The following EVA1C variants were observed in gnomAD, a reference collection of about 807,000 sequenced individuals.
EVA1C encodes the protein protein eva-1 homolog C.
EVA1C carries 25 observed loss-of-function variants against 45.4 expected under a neutral mutation model. The ratio of observed to expected loss-of-function variants is 0.55; its 90% CI spans 0.40 to 0.77. The LOEUF (loss-of-function observed/expected upper bound fraction) is 0.77, where lower values mean the gene tolerates loss of function less well. Ranked by LOEUF, EVA1C falls within the 30% of genes least tolerant of loss-of-function variation. The pLI is 0.00. For missense variants in EVA1C, 479 were observed against 554.8 expected (o/e 0.86, Z 1.37); for synonymous variants, 190 against 221.2 (o/e 0.86, Z 1.25).
chr21:32,425,334 CAAAAAAAA>C (rs60224656), intron 1 of EVA1C, among the ~76,000 whole-genome samples: 5 of 57,772 alleles, frequency 8.7e-5, no homozygotes, highest in South Asian at 8.7e-4. Context: ...GACTCCATCT[CAAAAAAAA>C]AAAAAAAAAA....
intron 1 of EVA1C, among the ~76,000 whole-genome samples, chr21:32,443,330 T>C (rs544396315): frequency 6.6e-6 from 1 of 152,084 alleles, no homozygotes; most frequent in Admixed American, 6.5e-5. Context: ...GGTCAGGAGT[T>C]GGAGATCAGC....
intron 1 of EVA1C, among the ~76,000 whole-genome samples, chr21:32,446,136 G>A (rs367980735): frequency 1.3e-5 from 2 of 152,226 alleles, no homozygotes; most frequent in African/African-American, 4.8e-5. Flanking sequence ...CCAGCTACTC[G>A]GGAGGGTGAG....
At chr21:32,451,078 C>A (rs900867190) in intron 1 of EVA1C, among the ~76,000 whole-genome samples, 1 of 152,104 alleles carries the variant, frequency 6.6e-6, no homozygotes, top group Non-Finnish European at 1.5e-5. Flanking sequence ...GCGTGAGGAC[C>A]CCAGGGCAGG....
intron 3 of EVA1C, among the ~76,000 whole-genome samples, chr21:32,461,755 G>A (rs1237736146): frequency 2.0e-5 from 3 of 152,174 alleles, no homozygotes; most frequent in East Asian, 1.9e-4. Flanking sequence ...AAGGCTCACC[G>A]GAACCTTCTT....
chr21:32,497,223 A>T (rs1407968637), intron 5 of EVA1C: 20 of 811,440 alleles, frequency 2.5e-5, no homozygotes, highest in Non-Finnish European at 3.9e-5. Context: ...ACCGTCCAGC[A>T]GACTTTAATT....
chr21:32,434,563 C>G (rs2034855335), intron 1 of EVA1C, among the ~76,000 whole-genome samples: 1 of 151,656 alleles, frequency 6.6e-6, no homozygotes, highest in Non-Finnish European at 1.5e-5. Flanking sequence ...TGCACTCCAG[C>G]CTGGGCGACA....
chr21:32,486,902 G>A (rs2036989924), intron 4 of EVA1C, among the ~76,000 whole-genome samples: 1 of 151,962 alleles, frequency 6.6e-6, no homozygotes. Flanking sequence ...TTAAATAACT[G>A]TATTATTTAG....
At chr21:32,501,996 CTTTCT>C (rs2037551827) in intron 6 of EVA1C, among the ~76,000 whole-genome samples, 9 of 25,440 alleles carry the variant, frequency 3.5e-4, no homozygotes, top group Non-Finnish European at 7.1e-4. Context: ...TTCTTTCTTT[CTTTCT>C]TTCTTTCTTT....
At chr21:32,464,263 T>G (rs918584086) in intron 3 of EVA1C, among the ~76,000 whole-genome samples, 8 of 152,220 alleles carry the variant, frequency 5.3e-5, no homozygotes, top group African/African-American at 1.9e-4. Context: ...TTTTTCTTCC[T>G]CGTGGAGGTT....
At chr21:32,439,573 G>T (rs2035097004) in intron 1 of EVA1C, among the ~76,000 whole-genome samples, 1 of 152,096 alleles carries the variant, frequency 6.6e-6, no homozygotes, top group Non-Finnish European at 1.5e-5. Flanking sequence ...GAAACTGAGA[G>T]ACCTATCTGA....
Position 32,453,494 on chromosome 21 carries a change from G to A in EVA1C, c.343G>A (p.Ala115Thr), listed in dbSNP as rs760691808. 3.1e-6 allele frequency: 5 copies of A among 1,604,892 alleles called. No homozygotes were observed. In the East Asian group the frequency reaches 1.1e-4, roughly 36 times the overall value. Reference protein sequence around the residue: ...QREDSLTCVAATTFQKVLDEC... With the variant: ...QREDSLTCVATTTFQKVLDEC... ...GGAAGACAGCTTAACCTGTGTGGCA[G>A]CCACCACCTTCCAGGTATTGCCTTT... Residue 115 changes from alanine (A) to threonine (T), a missense_variant, in exon 2 of 8, where the codon GCC (alanine) becomes ACC (threonine). By Grantham distance (58) the Ala-to-Thr change is moderately conservative. This residue lies in a region of EVA1C where 366 missense variants were observed against 426.1 expected (regional missense o/e 0.86). Coordinates refer to ENST00000300255, the MANE Select transcript of EVA1C (RefSeq NM_058187.5).
intron 4 of EVA1C, among the ~76,000 whole-genome samples, chr21:32,472,999 A>T (rs966983718): frequency 1.3e-5 from 2 of 152,216 alleles, no homozygotes; most frequent in Non-Finnish European, 2.9e-5. Context: ...TGTGCTCTGC[A>T]GCACAAAGAA....
chr21:32,485,588 A>G (rs1268640614), intron 4 of EVA1C, among the ~76,000 whole-genome samples: 1 of 152,144 alleles, frequency 6.6e-6, no homozygotes, highest in East Asian at 1.9e-4. Flanking sequence ...CTCCTCAAGC[A>G]GACTCAGAAT....
chr21:32,444,632 AT>A (rs1195046044), intron 1 of EVA1C, among the ~76,000 whole-genome samples: 2 of 152,180 alleles, frequency 1.3e-5, no homozygotes, highest in Non-Finnish European at 2.9e-5. Context: ...TAGAAGCATC[AT>A]TACATAGGCA....
intron 1 of EVA1C, among the ~76,000 whole-genome samples, chr21:32,437,179 C>CAAAAAAAAACA (rs368504892): frequency 7.3e-6 from 1 of 136,204 alleles, no homozygotes; most frequent in Admixed American, 7.3e-5. Context: ...CAAAACAAAA[C>CAAAAAAAAACA]AAACATAGAT....
rs765768777 is a variant in EVA1C at position 32,495,067 on chromosome 21, G to T, written c.675G>T (p.Arg225Ser). The T allele has an allele frequency of 1.9e-6, 3 of 1,613,994 alleles. No homozygotes were observed. Among genetic ancestry groups the T allele is most frequent in the African/African-American group, 2.7e-5 (2 of 74,892 alleles). ...SYSALQVLSRRCYGKQRCKII... is the reference protein window; with the variant it reads ...SYSALQVLSRSCYGKQRCKII... ...CAGCTTTGCAAGTCCTATCCCGAAGGTGCTATGGGAAGCAGAGATGCAAAA... is the reference window on the plus strand; with the variant it reads ...CAGCTTTGCAAGTCCTATCCCGAAGTTGCTATGGGAAGCAGAGATGCAAAA... The change falls in exon 5 of 8, where the codon AGG (arginine) becomes AGT (serine). Residue 225 changes from arginine to serine, a missense_variant. This residue lies in a region of EVA1C where 366 missense variants were observed against 426.1 expected (regional missense o/e 0.86). Coordinates refer to ENST00000300255, the MANE Select transcript of EVA1C (RefSeq NM_058187.5).
intron 4 of EVA1C, among the ~76,000 whole-genome samples, chr21:32,481,965 A>C (rs911793468): frequency 6.6e-6 from 1 of 152,208 alleles, no homozygotes; most frequent in Non-Finnish European, 1.5e-5. Flanking sequence ...TAAATTGACG[A>C]AGTCCCAAAG....
intron 1 of EVA1C, among the ~76,000 whole-genome samples, chr21:32,446,496 C>A (rs1568890895): frequency 6.6e-6 from 1 of 152,182 alleles, no homozygotes; most frequent in Non-Finnish European, 1.5e-5. Flanking sequence ...TAACAAACAG[C>A]TGCATTAGTA....
At position 32,474,188 on chromosome 21, in the gene EVA1C, G is replaced by C. The variant is rs151094712; in HGVS notation, c.634+6340G>C. 1.8e-4 allele frequency among the ~76,000 whole-genome samples: 27 copies of C among 152,286 alleles called. No homozygotes were observed. The highest frequency in any genetic ancestry group is 3.8e-4 in the Non-Finnish European group (26 of 68,012). On this transcript the variant is annotated intron_variant, in intron 4 of 7. Transcript: ENST00000300255. This position sits in a 1 kb window ranked among gnomAD's most constrained non-coding sequence, Gnocchi z 4.4. ...CTCAGCCTCCTAAAGTGCTGGGATT[G>C]CAGGCGTGAGCCACTGAGCCCGACC...
Sources: gnomAD v4.1 joint callset for allele counts (sites outside exome capture counted in the v4.1 genomes callset) on GRCh38, gnomAD v4.1.1 for gene constraint, gnomAD v4.1.1 regional missense constraint, Gnocchi (gnomAD v3.1) non-coding constraint, MANE v1.5 for transcripts, NCBI Gene and HGNC (gene_info 2026-07-23, HGNC 2026-07-21) for gene names.